SGCZ: variants seen among roughly 807,000 people sequenced by gnomAD.
SGCZ encodes the protein zeta-sarcoglycan.
In SGCZ, 40 loss-of-function variants were observed where a neutral mutation model predicts 41.3. That is an observed-to-expected ratio of 0.97 (90% CI 0.75 to 1.26). The LOEUF is 1.26. SGCZ is among the 50% of genes most tolerant of loss of function. SGCZ has a pLI of 0.00. For synonymous variants in SGCZ, 206 were observed against 137.5 expected (o/e 1.50, Z -3.49); for missense variants, 552 against 369.8 (o/e 1.49, Z -4.04).
At chr8:14,300,783 TC>T (rs1801160011) in intron 3 of SGCZ, among the ~76,000 whole-genome samples, 1 of 152,036 alleles carries the variant, frequency 6.6e-6, no homozygotes, top group African/African-American at 2.4e-5. Flanking sequence ...TTGAGAAATT[TC>T]TATTCAGGTC....
chr8:14,570,087 A>G (rs975536172), intron 1 of SGCZ, among the ~76,000 whole-genome samples: 4 of 151,954 alleles, frequency 2.6e-5, no homozygotes, highest in Admixed American at 6.6e-5. Context: ...CAAATGAAAT[A>G]TTTATCTGTT....
intron 2 of SGCZ, among the ~76,000 whole-genome samples, chr8:14,371,453 T>C (rs1487067572): frequency 9.2e-5 from 14 of 152,110 alleles, no homozygotes; most frequent in Admixed American, 9.2e-4. Flanking sequence ...ACTATATCCA[T>C]TAAAATAAAA....
At chr8:15,055,226 A>G (rs979763238) in intron 1 of SGCZ, among the ~76,000 whole-genome samples, 3 of 152,274 alleles carry the variant, frequency 2.0e-5, no homozygotes, top group African/African-American at 2.4e-5. Flanking sequence ...TCCAGTTTCC[A>G]TATCCATAAA....
intron 1 of SGCZ, among the ~76,000 whole-genome samples, chr8:14,836,076 C>A (rs1039160103): frequency 1.3e-5 from 2 of 152,078 alleles, no homozygotes; most frequent in Admixed American, 1.3e-4. Flanking sequence ...TGATTAACGT[C>A]ATCTAGGGAC....
intron 1 of SGCZ, among the ~76,000 whole-genome samples, chr8:14,638,798 G>A (rs1806920585): frequency 6.6e-6 from 1 of 151,730 alleles, no homozygotes; most frequent in East Asian, 1.9e-4. Flanking sequence ...TCCCTCAGGT[G>A]CACTACATTT....
chr8:14,240,428 G>A (rs369868833), intron 3 of SGCZ, among the ~76,000 whole-genome samples: 54 of 150,512 alleles, frequency 3.6e-4, no homozygotes, highest in African/African-American at 1.3e-3. Flanking sequence ...TACTCTAACC[G>A]CAGAGAATTT....
At chr8:14,568,439 T>C (rs981853575) in intron 1 of SGCZ, among the ~76,000 whole-genome samples, 8 of 98,940 alleles carry the variant, frequency 8.1e-5, no homozygotes, top group African/African-American at 3.6e-4. Context: ...AAAAATACAT[T>C]ATCAGAAAAA....
intron 1 of SGCZ, among the ~76,000 whole-genome samples, chr8:14,568,444 GA>G (rs386360409): frequency 0.25 from 31,689 of 127,644 alleles, 3,671 homozygotes; most frequent in Middle Eastern, 0.3. Context: ...TACATTATCA[GA>G]AAAAAAAAAA....
chr8:14,179,358 G>C (rs1243057083), intron 4 of SGCZ, among the ~76,000 whole-genome samples: 1 of 152,140 alleles, frequency 6.6e-6, no homozygotes, highest in Non-Finnish European at 1.5e-5. Context: ...TGAATGACTT[G>C]GGCTAATACC....
intron 1 of SGCZ, among the ~76,000 whole-genome samples, chr8:14,574,216 A>G (rs1057465163): frequency 6.6e-6 from 1 of 151,954 alleles, no homozygotes; most frequent in African/African-American, 2.4e-5. Flanking sequence ...AGAAAACGAT[A>G]CTCCAAAACG....
chr8:14,110,714 G>A (rs556826464), intron 5 of SGCZ, among the ~76,000 whole-genome samples: 1 of 152,118 alleles, frequency 6.6e-6, no homozygotes, highest in South Asian at 2.1e-4. Flanking sequence ...AGTAAGGGAT[G>A]ATAAAAGCCA....
intron 1 of SGCZ, among the ~76,000 whole-genome samples, chr8:14,622,126 A>T (rs1034238610): frequency 4.6e-5 from 7 of 152,144 alleles, no homozygotes; most frequent in African/African-American, 1.7e-4. Flanking sequence ...CAGCCCTCCA[A>T]TGAGAAGAGG....
At chr8:14,442,359 G>C (rs1320067248) in intron 2 of SGCZ, among the ~76,000 whole-genome samples, 1 of 152,156 alleles carries the variant, frequency 6.6e-6, no homozygotes, top group Non-Finnish European at 1.5e-5. Flanking sequence ...TGTAAGAAGT[G>C]ACTTTGCTCC....
intron 1 of SGCZ, among the ~76,000 whole-genome samples, chr8:15,182,573 A>AT (rs1267570999): frequency 3.9e-5 from 6 of 152,142 alleles, no homozygotes; most frequent in Admixed American, 3.3e-4. Flanking sequence ...AGCATAAAAG[A>AT]TTTTTTTAAG....
intron 7 of SGCZ, among the ~76,000 whole-genome samples, chr8:14,096,617 A>G (rs1269084934): frequency 6.6e-6 from 1 of 152,164 alleles, no homozygotes; most frequent in African/African-American, 2.4e-5. Context: ...TGCTGGACTC[A>G]TAAAGTGAGT....
chr8:14,259,215 AAC>A (rs1434183758), intron 3 of SGCZ, among the ~76,000 whole-genome samples: 1 of 152,176 alleles, frequency 6.6e-6, no homozygotes, highest in Non-Finnish European at 1.5e-5. Flanking sequence ...GTTAATTAAA[AAC>A]ACACATGAAT....
At chr8:14,425,358 C>T (rs373990829) in intron 2 of SGCZ, among the ~76,000 whole-genome samples, 43 of 152,240 alleles carry the variant, frequency 2.8e-4, no homozygotes, top group Admixed American at 1.7e-3. Context: ...TGATGGCTCA[C>T]ACCTGTAATC....
At chr8:14,728,280 T>C (rs1423788161) in intron 1 of SGCZ, among the ~76,000 whole-genome samples, 2 of 149,006 alleles carry the variant, frequency 1.3e-5, no homozygotes, top group Non-Finnish European at 3.0e-5. Flanking sequence ...AGAAAATGTA[T>C]AACCTTAATA....
chr8:14,242,538 G>C (rs1048566177), intron 3 of SGCZ, among the ~76,000 whole-genome samples: 5 of 152,146 alleles, frequency 3.3e-5, no homozygotes, highest in African/African-American at 1.2e-4. Context: ...CATAATTTAT[G>C]TGCTTGTTAT....
Sources: gnomAD v4.1 joint callset for allele counts (sites outside exome capture counted in the v4.1 genomes callset) on GRCh38, gnomAD v4.1.1 for gene constraint, MANE v1.5 for transcripts, NCBI Gene and HGNC (gene_info 2026-07-23, HGNC 2026-07-21) for gene names.